The following GUCY1A2 variants were observed in gnomAD, a reference collection of about 807,000 sequenced individuals.
GUCY1A2 encodes the protein guanylate cyclase soluble subunit alpha-2.
In GUCY1A2, 27 loss-of-function variants were observed where a neutral mutation model predicts 63.5. The observed-to-expected ratio is 0.43, with a 90% CI of 0.31 to 0.59. The LOEUF (loss-of-function observed/expected upper bound fraction) is 0.59. GUCY1A2 is among the 20% of genes least tolerant of loss of function. GUCY1A2 has a pLI of 0.11. For synonymous variants in GUCY1A2, 364 were observed against 343.5 expected (o/e 1.06, Z -0.66); for missense variants, 768 against 913.3 (o/e 0.84, Z 2.05).
At chr11:106,769,537 T>A (rs1457147201) in intron 6 of GUCY1A2, among the ~76,000 whole-genome samples, 1 of 152,262 alleles carries the variant, frequency 6.6e-6, no homozygotes, top group East Asian at 1.9e-4. Context: ...ATATTAATAC[T>A]TTAAATAAAT....
chr11:106,855,182 C>T (rs182010282), intron 4 of GUCY1A2, among the ~76,000 whole-genome samples: 122 of 152,222 alleles, frequency 8.0e-4, no homozygotes, highest in Admixed American at 1.7e-3. Context: ...AATTCACTTG[C>T]ACAGACCCTA....
At chr11:106,743,190 A>G (rs984718329) in intron 6 of GUCY1A2, among the ~76,000 whole-genome samples, 2 of 151,692 alleles carry the variant, frequency 1.3e-5, no homozygotes, top group Non-Finnish European at 2.9e-5. Flanking sequence ...CTTTCACGTG[A>G]CTCCTATGGT....
chr11:106,728,086 A>G (rs1487933570), intron 6 of GUCY1A2, among the ~76,000 whole-genome samples: 2 of 152,158 alleles, frequency 1.3e-5, no homozygotes, highest in Non-Finnish European at 2.9e-5. Flanking sequence ...TCCCACCTTT[A>G]TAACTGTTTC....
At chr11:106,808,706 G>T (rs1337166930) in intron 5 of GUCY1A2, among the ~76,000 whole-genome samples, 1 of 152,060 alleles carries the variant, frequency 6.6e-6, no homozygotes, top group African/African-American at 2.4e-5. Flanking sequence ...TAGTTTAGAG[G>T]GAAAAGATTG....
chr11:106,731,637 C>T (rs1252030206), intron 6 of GUCY1A2, among the ~76,000 whole-genome samples: 3 of 151,980 alleles, frequency 2.0e-5, no homozygotes, highest in African/African-American at 7.2e-5. Context: ...CTAGAAAACC[C>T]CATAGTCTCT....
chr11:106,992,623 C>T (rs1413526876), intron 1 of GUCY1A2, among the ~76,000 whole-genome samples: 2 of 152,104 alleles, frequency 1.3e-5, no homozygotes, highest in East Asian at 3.8e-4. Flanking sequence ...AGCCACCACG[C>T]CCGGCCAGAA....
intron 4 of GUCY1A2, among the ~76,000 whole-genome samples, chr11:106,880,301 GATTAAGGCCTT>G (rs1859806056): frequency 6.6e-6 from 1 of 152,024 alleles, no homozygotes; most frequent in Non-Finnish European, 1.5e-5. Flanking sequence ...CATACAGGGA[GATTAAGGCCTT>G]TTGTTTGGGG....
intron 4 of GUCY1A2, among the ~76,000 whole-genome samples, chr11:106,907,687 A>C (rs1860232018): frequency 6.6e-6 from 1 of 152,080 alleles, no homozygotes; most frequent in Admixed American, 6.6e-5. Context: ...TAGTTTACTG[A>C]GAATGATGAT....
At chr11:106,705,959 T>TTCATTTTTATTAAGAAATATCTGAA (rs1189343322) in intron 7 of GUCY1A2, among the ~76,000 whole-genome samples, 3 of 152,200 alleles carry the variant, frequency 2.0e-5, no homozygotes, top group Non-Finnish European at 2.9e-5. Context: ...AAATGTTTTG[T>TTCATTTTTATTAAGAAATATCTGAA]TCATTTTTAT....
chr11:106,838,551 G>A (rs1286517680), intron 4 of GUCY1A2, among the ~76,000 whole-genome samples: 1 of 151,934 alleles, frequency 6.6e-6, no homozygotes. Flanking sequence ...AGCAGCCGCA[G>A]ACCATGAGCA....
chr11:106,999,376 G>A (rs192149107), intron 1 of GUCY1A2, among the ~76,000 whole-genome samples: 2 of 152,240 alleles, frequency 1.3e-5, no homozygotes, highest in East Asian at 1.9e-4. Flanking sequence ...GAAACTGATA[G>A]GCTTGACTTT....
At chr11:106,776,646 T>G in intron 5 of GUCY1A2, 64 bp from the exon 6 acceptor site, 1 of 1,443,266 alleles carries the variant, frequency 6.9e-7, no homozygotes, top group South Asian at 1.2e-5. Flanking sequence ...AATGATTAGT[T>G]ATCTGCAATC....
intron 4 of GUCY1A2, among the ~76,000 whole-genome samples, chr11:106,931,887 C>T (rs557150895): frequency 2.6e-5 from 4 of 152,128 alleles, no homozygotes; most frequent in Admixed American, 2.0e-4. Flanking sequence ...TTTTCTAAAA[C>T]CAAATTGTTG....
Position 106,675,436 on chromosome 11 carries a change from AT to A in GUCY1A2, c.*12112del. On this transcript the variant is annotated 3_prime_UTR_variant, in exon 8 of 8. Transcript: ENST00000526355. ...AATTCATTTCCGCATAGTCGGAATA[AT>A]TTTTGCTCCAAATTCTTAAAGGAGA... 5.0e-6 allele frequency: 1 copy of A among 201,638 alleles called. No individual in the cohort carries two copies. Among genetic ancestry groups the A allele is most frequent in the Non-Finnish European group, 1.0e-5 (1 of 97,996 alleles). 12.5% of individuals were successfully genotyped at this position (201,638 alleles called of 1,614,324 possible).
At chr11:106,894,985 A>G (rs1227161816) in intron 4 of GUCY1A2, among the ~76,000 whole-genome samples, 3 of 152,186 alleles carry the variant, frequency 2.0e-5, no homozygotes, top group Non-Finnish European at 4.4e-5. Context: ...TGAAAAGGTT[A>G]ATAAAACTAA....
chr11:106,978,756 A>G lies in GUCY1A2; in HGVS notation c.366-16T>C, dbSNP rs960517369. 1.3e-6 allele frequency: 2 copies of G among 1,584,058 alleles called. No homozygotes were observed. The highest frequency in any genetic ancestry group is 2.7e-5 in the African/African-American group (2 of 73,122). ...ATCCCTGTAACTAAGAAGAAAACAA[A>G]ATTAGCATAAGGAGAAATTTTTGAA... On this transcript the variant is annotated splice_polypyrimidine_tract_variant and intron_variant, in intron 2 of 7. Coordinates refer to ENST00000526355, the MANE Select transcript of GUCY1A2 (RefSeq NM_000855.3).
chr11:106,989,072 A>C (rs1407047154), intron 1 of GUCY1A2, among the ~76,000 whole-genome samples: 1 of 152,200 alleles, frequency 6.6e-6, no homozygotes, highest in Non-Finnish European at 1.5e-5. Flanking sequence ...AGTGGGAACA[A>C]CAAGGGCTTT....
At chr11:106,900,747 G>A (rs1273703088) in intron 4 of GUCY1A2, among the ~76,000 whole-genome samples, 1 of 152,134 alleles carries the variant, frequency 6.6e-6, no homozygotes, top group African/African-American at 2.4e-5. Context: ...TACAAATTAT[G>A]TTTACACTAT....
chr11:106,865,719 C>T (rs1226434526), intron 4 of GUCY1A2, among the ~76,000 whole-genome samples: 2 of 151,824 alleles, frequency 1.3e-5, no homozygotes, highest in East Asian at 3.9e-4. Context: ...TTGTTGGGTA[C>T]AGCAAAACAC....
Sources: allele counts gnomAD v4.1 joint callset (sites outside exome capture counted in the v4.1 genomes callset), GRCh38; gene constraint gnomAD v4.1.1; transcripts MANE v1.5; gene names NCBI Gene and HGNC (gene_info 2026-07-23, HGNC 2026-07-21).